Variants in CADM2 observed in about 807,000 individuals in gnomAD.
The protein encoded by CADM2 is cell adhesion molecule 2.
CADM2 carries 12 observed loss-of-function variants against 49.8 expected under a neutral mutation model. The ratio of observed to expected loss-of-function variants is 0.24; its 90% CI spans 0.15 to 0.39. The LOEUF is 0.39. Ranked by LOEUF, CADM2 falls within the 10% of genes least tolerant of loss-of-function variation. The pLI is 1.00. For missense variants in CADM2, 378 were observed against 492.3 expected (o/e 0.77, Z 2.20); for synonymous variants, 214 against 175.4 (o/e 1.22, Z -1.74).
chr3:85,542,242 A>G (rs1430562005), intron 1 of CADM2, among the ~76,000 whole-genome samples: 3 of 152,140 alleles, frequency 2.0e-5, no homozygotes, highest in Non-Finnish European at 2.9e-5. Flanking sequence ...AAGAAGCACA[A>G]TGAGAAAAGA....
intron 5 of CADM2, among the ~76,000 whole-genome samples, chr3:85,892,055 C>T (rs944607223): frequency 2.0e-5 from 3 of 152,156 alleles, no homozygotes; most frequent in African/African-American, 7.2e-5. Context: ...CAAAGACTAG[C>T]CTTGAATATT....
intron 1 of CADM2, among the ~76,000 whole-genome samples, chr3:85,695,348 C>T (rs1269724918): frequency 6.6e-6 from 1 of 152,024 alleles, no homozygotes; most frequent in Non-Finnish European, 1.5e-5. Context: ...CTTCCCCCAT[C>T]TGAGTCTCCA....
intron 1 of CADM2, among the ~76,000 whole-genome samples, chr3:85,430,939 G>A (rs971578082): frequency 1.3e-5 from 2 of 152,046 alleles, no homozygotes; most frequent in Non-Finnish European, 1.5e-5. Flanking sequence ...AAATAGGAAC[G>A]ATGTGATTAT....
chr3:85,223,274 G>A (rs1406856193), intron 1 of CADM2, among the ~76,000 whole-genome samples: 9 of 152,112 alleles, frequency 5.9e-5, no homozygotes, highest in Non-Finnish European at 1.0e-4. Flanking sequence ...ATTTGATTCA[G>A]CATATACTCT....
chr3:85,405,538 C>G (rs2035328793), intron 1 of CADM2, among the ~76,000 whole-genome samples: 1 of 152,010 alleles, frequency 6.6e-6, no homozygotes, highest in Non-Finnish European at 1.5e-5. Flanking sequence ...TTAACAAATT[C>G]AAGGATCTAT....
chr3:85,429,334 A>T (rs2107517415), intron 1 of CADM2, among the ~76,000 whole-genome samples: 1 of 152,246 alleles, frequency 6.6e-6, no homozygotes, highest in East Asian at 1.9e-4. Flanking sequence ...CGATGAAAAC[A>T]ATTGCATTCT....
intron 1 of CADM2, among the ~76,000 whole-genome samples, chr3:85,055,413 A>G (rs911521208): frequency 3.9e-5 from 6 of 152,034 alleles, no homozygotes; most frequent in African/African-American, 1.4e-4. Context: ...ATGAAATTGC[A>G]TGCATGCCTT....
At chr3:85,323,795 C>T (rs1006047274) in intron 1 of CADM2, among the ~76,000 whole-genome samples, 4 of 152,172 alleles carry the variant, frequency 2.6e-5, no homozygotes, top group Non-Finnish European at 5.9e-5. Context: ...TTTCTTTGCT[C>T]CAATATCATC....
rs1430466094 is a variant in CADM2 at position 85,809,716 on chromosome 3, CTTCG to C, written c.238+7524_238+7527del. Among the ~76,000 whole-genome samples the C allele has an allele frequency of 1.9e-4, 21 of 108,232 alleles. 1 individual carries two copies. The highest frequency in any genetic ancestry group is 6.4e-4 in the African/African-American group (18 of 27,930). 71.0% of individuals were successfully genotyped at this position (108,232 alleles called of 152,430 possible). On this transcript the variant is annotated intron_variant, in intron 3 of 9. Coordinates refer to ENST00000383699, the MANE Select transcript of CADM2 (RefSeq NM_001167675.2). ...CCTTCCTTCCTTCCTTCCTTCCTTC[CTTCG>C]TTCCTTCCCTCCCTCCCTCCCTCCT...
intron 1 of CADM2, among the ~76,000 whole-genome samples, chr3:85,241,302 G>A (rs2042524527): frequency 6.6e-6 from 1 of 151,468 alleles, no homozygotes; most frequent in Admixed American, 6.6e-5. Context: ...GACATTCATT[G>A]TAGAGAAAAT....
chr3:85,520,567 A>T (rs747785258), intron 1 of CADM2, among the ~76,000 whole-genome samples: 2 of 152,014 alleles, frequency 1.3e-5, no homozygotes, highest in Non-Finnish European at 2.9e-5. Context: ...TTTAGGAAGA[A>T]AAAATATTGC....
At chr3:84,990,954 G>C (rs1310214148) in intron 1 of CADM2, among the ~76,000 whole-genome samples, 1 of 151,950 alleles carries the variant, frequency 6.6e-6, no homozygotes, top group East Asian at 1.9e-4. Flanking sequence ...TTATAGACCT[G>C]TATAATGGGT....
intron 8 of CADM2, chr3:86,014,426 T>A: frequency 1.3e-6 from 2 of 1,482,522 alleles, no homozygotes; most frequent in Non-Finnish European, 9.0e-7. Context: ...ATATTGAAGT[T>A]TATCATGAAT....
At chr3:85,186,546 A>T (rs1278172223) in intron 1 of CADM2, among the ~76,000 whole-genome samples, 1 of 152,124 alleles carries the variant, frequency 6.6e-6, no homozygotes, top group Admixed American at 6.6e-5. Flanking sequence ...AATAAACATT[A>T]TACTGAAATA....
chr3:85,394,609 T>A (rs1332144069), intron 1 of CADM2, among the ~76,000 whole-genome samples: 1 of 152,232 alleles, frequency 6.6e-6, no homozygotes, highest in Non-Finnish European at 1.5e-5. Flanking sequence ...ATAATCTGTG[T>A]AAAGTTAACT....
intron 5 of CADM2, among the ~76,000 whole-genome samples, chr3:85,892,412 C>A (rs1211873496): frequency 6.6e-6 from 1 of 152,154 alleles, no homozygotes; most frequent in Non-Finnish European, 1.5e-5. Context: ...ACCCAAATCT[C>A]ATCTTGAATT....
rs1252844719 is a variant in CADM2, at chr3:85,344,774, A to C, written c.62-381748A>C. On this transcript the variant is annotated intron_variant, in intron 1 of 9. Transcript: ENST00000383699. The stretch of plus-strand genomic sequence containing the variant: ...TGTGCATTTGTACATTTGAATCTAC[A>C]TTCCATAGTTAGATTGAGTCATTTA... Among the ~76,000 whole-genome samples, 3 of 152,284 alleles carry C rather than the reference A, an allele frequency of 2.0e-5. No individual in the cohort carries two copies. In the East Asian group the frequency reaches 5.8e-4, roughly 29 times the overall value.
At chr3:85,087,369 G>T (rs1374152661) in intron 1 of CADM2, among the ~76,000 whole-genome samples, 1 of 152,108 alleles carries the variant, frequency 6.6e-6, no homozygotes, top group African/African-American at 2.4e-5. Context: ...ACAATATTAT[G>T]TAACAGACAT....
chr3:85,149,340 T>C (rs1254619374), intron 1 of CADM2, among the ~76,000 whole-genome samples: 7 of 152,110 alleles, frequency 4.6e-5, no homozygotes, highest in Non-Finnish European at 8.8e-5. Flanking sequence ...CCTCCAGAAT[T>C]GTGAGCCAAT....
Sources: gnomAD v4.1 joint callset for allele counts (sites outside exome capture counted in the v4.1 genomes callset) on GRCh38, gnomAD v4.1.1 for gene constraint, MANE v1.5 for transcripts, NCBI Gene and HGNC (gene_info 2026-07-23, HGNC 2026-07-21) for gene names.